IQGAP2: variants seen among roughly 807,000 people sequenced by gnomAD.
IQGAP2 encodes IQ motif containing GTPase activating protein 2.
A neutral mutation model predicts 201.3 loss-of-function variants in IQGAP2; 173 were observed. That is an observed-to-expected ratio of 0.86 (90% CI 0.76 to 0.98). The LOEUF (loss-of-function observed/expected upper bound fraction) is 0.98, where lower values mean the gene tolerates loss of function less well. Among genes scored for constraint, IQGAP2 ranks in the 50% least tolerant of loss-of-function variants. The pLI is 0.00. For synonymous variants in IQGAP2, 675 were observed against 673.9 expected, an observed-to-expected ratio of 1.00 and a Z score of -0.03; for missense variants, 1,687 against 1,864.8, an observed-to-expected ratio of 0.90 and a Z score of 1.76.
chr5:76,640,018 C>A (rs935830798), intron 16 of IQGAP2, among the ~76,000 whole-genome samples: 1 of 152,112 alleles, frequency 6.6e-6, no homozygotes, highest in South Asian at 2.1e-4. Context: ...CCAAGATATA[C>A]CCCAGGTATA....
At chr5:76,659,116 A>G (rs1457065014) in intron 21 of IQGAP2, among the ~76,000 whole-genome samples, 5 of 152,208 alleles carry the variant, frequency 3.3e-5, no homozygotes, top group East Asian at 1.9e-4. Flanking sequence ...GGAATCTAAG[A>G]TAAGTTTTTA....
chr5:76,652,695 A>G, intron 17 of IQGAP2, 55 bp from the exon 18 acceptor site: 1 of 1,239,494 alleles, frequency 8.1e-7, no homozygotes, highest in Non-Finnish European at 1.2e-6. Context: ...TGCACTTCCT[A>G]GATAAATTGG....
At chr5:76,535,711 C>T (rs1759583524) in intron 2 of IQGAP2, among the ~76,000 whole-genome samples, 1 of 152,200 alleles carries the variant, frequency 6.6e-6, no homozygotes. Flanking sequence ...GCTTGTGTAG[C>T]TACTACTGTT....
intron 1 of IQGAP2, chr5:76,404,375 C>A (rs762540340): frequency 3.9e-5 from 29 of 739,748 alleles, no homozygotes; most frequent in Non-Finnish European, 4.8e-5. Flanking sequence ...CACGTGGCTT[C>A]ATGTGCAGAG....
rs558948474 is a variant in IQGAP2 at position 76,663,855 on chromosome 5, GT to G, written c.2530-1168del. Among the ~76,000 whole-genome samples the G allele has an allele frequency of 2.2e-3, 329 of 152,304 alleles. 1 individual carries two copies. The highest frequency in any genetic ancestry group is 7.3e-3 in the African/African-American group (305 of 41,582). On this transcript the variant is annotated intron_variant, in intron 21 of 35. Transcript: ENST00000274364. ...GCCCGCTTCCAACTTTTCTTCCGAAGTTTCCTGGCTTCTCTTAAGGCCTCAT... is the reference window on the plus strand; with the variant it reads ...GCCCGCTTCCAACTTTTCTTCCGAAGTTCCTGGCTTCTCTTAAGGCCTCAT...
chr5:76,628,811 C>CGGGG (rs2150378997), intron 14 of IQGAP2: 1 of 428,042 alleles, frequency 2.3e-6, no homozygotes, highest in Non-Finnish European at 4.6e-6. Flanking sequence ...TCTTTCCTTT[C>CGGGG]TAGCACGCCT....
chr5:76,469,705 C>CA lies in IQGAP2; in HGVS notation c.146+8042dup, dbSNP rs1056903838. Among the ~76,000 whole-genome samples the CA allele has an allele frequency of 7.9e-5, 12 of 151,698 alleles. 1 individual carries two copies. The highest frequency in any genetic ancestry group is 2.9e-4 in the African/African-American group (12 of 41,358). ...AGGCATGAGCCACCGCTCCTGGCCT[C>CA]AAAAAACTAATATTGATGGCAATGA... On this transcript the variant is annotated intron_variant, in intron 2 of 35. Transcript: ENST00000274364.
chr5:76,691,574 A>T (rs1746268218), intron 30 of IQGAP2: 1 of 152,154 alleles, frequency 6.6e-6, no homozygotes, highest in Admixed American at 6.5e-5. Flanking sequence ...TTTAGGAAAC[A>T]TGCCATCCCC....
chr5:76,549,673 G>T (rs1346601717), intron 2 of IQGAP2, among the ~76,000 whole-genome samples: 1 of 152,082 alleles, frequency 6.6e-6, no homozygotes, highest in African/African-American at 2.4e-5. Context: ...TTCTTCTGAG[G>T]CCTCTGTCCT....
chr5:76,646,463 A>G (rs1265974147), intron 17 of IQGAP2, among the ~76,000 whole-genome samples: 1 of 152,234 alleles, frequency 6.6e-6, no homozygotes, highest in Non-Finnish European at 1.5e-5. Context: ...CCCGAGGCCT[A>G]CTGAATCCTA....
rs17681651 is a variant in IQGAP2, at chr5:76,655,367, T to C, written c.2320+364T>C. ...TTTAAATTGTTTAATTTGTTAGACATAGTCTCATCTCCCAAAAATGACAAC... is the reference window on the plus strand; with the variant it reads ...TTTAAATTGTTTAATTTGTTAGACACAGTCTCATCTCCCAAAAATGACAAC... On this transcript the variant is annotated intron_variant, in intron 20 of 35. Coordinates refer to ENST00000274364, the MANE Select transcript of IQGAP2 (RefSeq NM_006633.5). Among the ~76,000 whole-genome samples the C allele has an allele frequency of 5.2e-3, 794 of 152,334 alleles. 21 individuals carry two copies. The East Asian group carries it at 0.086, about 16-fold the overall frequency.
intron 2 of IQGAP2, among the ~76,000 whole-genome samples, chr5:76,490,987 C>CT (rs767214200): frequency 0.06 from 6,733 of 112,958 alleles, 217 homozygotes; most frequent in African/African-American, 0.071. Context: ...AGATTTTCAT[C>CT]TTTTTTTTTT....
At chr5:76,416,396 G>A (rs1751405121) in intron 1 of IQGAP2, among the ~76,000 whole-genome samples, 2 of 152,306 alleles carry the variant, frequency 1.3e-5, no homozygotes, top group East Asian at 3.9e-4. Context: ...GTAAAATGGA[G>A]GTAGCCATGG....
intron 28 of IQGAP2, among the ~76,000 whole-genome samples, chr5:76,678,186 C>T (rs1744992785): frequency 3.3e-5 from 5 of 152,030 alleles, no homozygotes; most frequent in Admixed American, 3.3e-4. Context: ...AAGAAACTAC[C>T]ACCCAATAGT....
intron 21 of IQGAP2, among the ~76,000 whole-genome samples, chr5:76,663,007 C>A (rs1743400452): frequency 6.6e-6 from 1 of 152,176 alleles, no homozygotes; most frequent in East Asian, 1.9e-4. Flanking sequence ...CTGTCTTACT[C>A]CAGAGCTTCC....
At chr5:76,406,321 T>G (rs1338394358) in intron 1 of IQGAP2, among the ~76,000 whole-genome samples, 1 of 152,212 alleles carries the variant, frequency 6.6e-6, no homozygotes, top group East Asian at 1.9e-4. Context: ...TTAAATAGAC[T>G]ATTTTCTATT....
intron 2 of IQGAP2, among the ~76,000 whole-genome samples, chr5:76,537,378 T>G (rs917388864): frequency 1.3e-5 from 2 of 152,178 alleles, no homozygotes; most frequent in African/African-American, 4.8e-5. Flanking sequence ...AGGTATTATT[T>G]CAGAGGGACC....
At chr5:76,527,613 G>A (rs1443315156) in intron 2 of IQGAP2, among the ~76,000 whole-genome samples, 6 of 152,194 alleles carry the variant, frequency 3.9e-5, no homozygotes, top group Admixed American at 2.0e-4. Flanking sequence ...TAAGGATGAC[G>A]TCTATAATTG....
chr5:76,479,589 C>T (rs1240411870), intron 2 of IQGAP2, among the ~76,000 whole-genome samples: 2 of 152,106 alleles, frequency 1.3e-5, no homozygotes, highest in African/African-American at 4.8e-5. Context: ...TGCTCCTCAC[C>T]CTTCCATTTC....
Sources: allele counts gnomAD v4.1 joint callset (sites outside exome capture counted in the v4.1 genomes callset), GRCh38; gene constraint gnomAD v4.1.1; transcripts MANE v1.5; gene names NCBI Gene and HGNC (gene_info 2026-07-23, HGNC 2026-07-21).